MAP3K15: variants seen among roughly 807,000 people sequenced by gnomAD.
The protein encoded by MAP3K15 is mitogen-activated protein kinase kinase kinase 15, also known as MAPK/ERK kinase kinase 15.
A neutral mutation model predicts 99.5 loss-of-function variants in MAP3K15; 124 were observed. The ratio of observed to expected loss-of-function variants is 1.25; its 90% CI spans 1.08 to 1.45. MAP3K15 has a LOEUF of 1.45. Among genes scored for constraint, MAP3K15 ranks in the 40% most tolerant of loss-of-function variants. The pLI is 0.00. For missense variants in MAP3K15, 1,242 were observed against 1,079.7 expected, an observed-to-expected ratio of 1.15 and a Z score of -2.11; for synonymous variants, 494 against 439.6, an observed-to-expected ratio of 1.12 and a Z score of -1.55.
Position 19,420,881 on chromosome X carries a change from T to C in MAP3K15, c.1439+4650A>G, listed in dbSNP as rs771484713. On this transcript the variant is annotated intron_variant, in intron 9 of 28. Coordinates refer to ENST00000338883, the MANE Select transcript of MAP3K15 (RefSeq NM_001001671.4). The stretch of plus-strand genomic sequence containing the variant: ...TGGGATGCAAGGCTGGTTCAACACA[T>C]GCAAATCAATAAATGTAATCCAGCA... Among the ~76,000 whole-genome samples, 1,104 of 111,528 alleles carry C rather than the reference T, an allele frequency of 9.9e-3. 16 individuals carry two copies. The highest frequency in any genetic ancestry group is 0.035 in the African/African-American group (1,065 of 30,547).
intron 15 of MAP3K15, among the ~76,000 whole-genome samples, chrX:19,397,150 C>A (rs1358349857): frequency 9.0e-6 from 1 of 110,654 alleles, no homozygotes; most frequent in African/African-American, 3.3e-5. Flanking sequence ...GTGAGCTGCC[C>A]GCCTCAGCCT....
At chrX:19,378,742 C>A (rs942985388) in intron 19 of MAP3K15, among the ~76,000 whole-genome samples, 4 of 111,482 alleles carry the variant, frequency 3.6e-5, no homozygotes, top group African/African-American at 1.3e-4. Context: ...TTGGGTACAC[C>A]GGGGTGTCCT....
intron 7 of MAP3K15, among the ~76,000 whole-genome samples, 182 bp downstream of exon 7, chrX:19,431,256 C>T (rs989661379): frequency 1.8e-5 from 2 of 111,079 alleles, no homozygotes; most frequent in African/African-American, 6.6e-5. Flanking sequence ...AGTAGAAAAC[C>T]CTGTTTCTCA....
intron 6 of MAP3K15, among the ~76,000 whole-genome samples, chrX:19,444,214 C>T (rs1335866195): frequency 8.9e-6 from 1 of 112,150 alleles, no homozygotes; most frequent in Non-Finnish European, 1.9e-5. Flanking sequence ...AAGATCACCA[C>T]GAGACCTATT....
At chrX:19,460,386 G>T (rs746360709) in intron 4 of MAP3K15, among the ~76,000 whole-genome samples, 3 of 111,857 alleles carry the variant, frequency 2.7e-5, no homozygotes, top group Non-Finnish European at 5.6e-5. Context: ...ACTTTCAAAG[G>T]TGACTCCCAT....
chrX:19,426,262 T>C lies in MAP3K15; in HGVS notation c.1248A>G (p.Gln416=). The C allele has an allele frequency of 8.6e-7, 1 of 1,162,463 alleles. No individual in the cohort carries two copies. The highest frequency in any genetic ancestry group is 2.4e-5 in the Admixed American group (1 of 41,622). ...LAVLLIVAGQ[Q]FETSLELRKI... The stretch of plus-strand genomic sequence containing the variant: ...TCCTTAGTTCCAAGGAAGTTTCAAA[T>C]TGTTGTCCAGCAACAATCAGCAAAA... The change falls in exon 8 of 29, where the codon CAA becomes CAG. Residue 416 remains glutamine, a synonymous_variant. Transcript: ENST00000338883.
chrX:19,396,568 T>C (rs2063568968), intron 15 of MAP3K15, among the ~76,000 whole-genome samples: 1 of 112,216 alleles, frequency 8.9e-6, no homozygotes, highest in Admixed American at 9.4e-5. Context: ...AATGAAGAAA[T>C]GGAAATAGTT....
chrX:19,370,977 C>T lies in MAP3K15; in HGVS notation c.3382G>A (p.Val1128Ile), dbSNP rs764898842. The change falls in exon 24 of 29, where the codon GTC becomes ATC. Residue 1128 changes from valine (V) to isoleucine (I), a missense_variant. By Grantham distance (29) the Val-to-Ile change is conservative. Coordinates refer to ENST00000338883, the MANE Select transcript of MAP3K15 (RefSeq NM_001001671.4). ...NIIRRAVQAAVTILIPELRAH... is the reference protein window; with the variant it reads ...NIIRRAVQAAITILIPELRAH... The stretch of plus-strand genomic sequence containing the variant: ...CGCTCACCTGGGATGAGAATGGTGA[C>T]CGCGGCCTGCACCGCTCGGCGGATG... 1.1e-4 allele frequency: 128 copies of T among 1,184,236 alleles called. 2 individuals carry two copies. In the Admixed American group the frequency reaches 3.2e-3, roughly 29 times the overall value.
intron 4 of MAP3K15, among the ~76,000 whole-genome samples, chrX:19,460,704 C>T (rs1035307048): frequency 5.4e-5 from 6 of 110,745 alleles, no homozygotes; most frequent in Non-Finnish European, 9.4e-5. Context: ...AACTTACAGA[C>T]AGCCTTGCTC....
Position 19,445,589 on chromosome X carries a change from C to CAA in MAP3K15, c.995+11322_995+11323dup, listed in dbSNP as rs764600771. 9.1e-3 allele frequency among the ~76,000 whole-genome samples: 352 copies of CAA among 38,477 alleles called. 6 individuals carry two copies. Among genetic ancestry groups the CAA allele is most frequent in the African/African-American group, 0.022 (324 of 14,573 alleles). 33.4% of individuals were successfully genotyped at this position (38,477 alleles called of 115,157 possible). On this transcript the variant is annotated intron_variant, in intron 6 of 28. Coordinates refer to ENST00000338883, the MANE Select transcript of MAP3K15 (RefSeq NM_001001671.4). ...TGGGCGACAGAGTGAGACTCTGTCT[C>CAA]AAAAAAAAAAAAAAAAAAAATTAGT...
intron 18 of MAP3K15, among the ~76,000 whole-genome samples, chrX:19,380,530 T>G (rs925393646): frequency 9.0e-6 from 1 of 111,301 alleles, no homozygotes; most frequent in Non-Finnish European, 1.9e-5. Flanking sequence ...TATGGTTGCT[T>G]CTTTTTTTTT....
chrX:19,427,530 G>C (rs1308181597), intron 7 of MAP3K15, among the ~76,000 whole-genome samples: 1 of 111,218 alleles, frequency 9.0e-6, no homozygotes, highest in Non-Finnish European at 1.9e-5. Flanking sequence ...ACTATATCAG[G>C]ATAAGCAACA....
At chrX:19,368,231 C>G (rs181134913) in intron 25 of MAP3K15, among the ~76,000 whole-genome samples, 3,425 of 111,926 alleles carry the variant, frequency 0.031, 140 homozygotes, top group African/African-American at 0.11. Flanking sequence ...CAACCCCCAC[C>G]TCCCGGATTC....
At chrX:19,476,805 T>C (rs2064246207) in intron 3 of MAP3K15, among the ~76,000 whole-genome samples, 1 of 112,031 alleles carries the variant, frequency 8.9e-6, no homozygotes, top group African/African-American at 3.2e-5. Flanking sequence ...ATTTACTTTG[T>C]TTACACAACT....
chrX:19,382,244 CAAAA>C (rs1047109372), intron 18 of MAP3K15, among the ~76,000 whole-genome samples: 11 of 31,557 alleles, frequency 3.5e-4, no homozygotes, highest in African/African-American at 8.8e-4. Flanking sequence ...ACTCAGTCTC[CAAAA>C]AAAAAAAAAA....
At chrX:19,488,004 G>C (rs947859570) in intron 2 of MAP3K15, among the ~76,000 whole-genome samples, 1 of 110,765 alleles carries the variant, frequency 9.0e-6, no homozygotes, top group African/African-American at 3.3e-5. Context: ...TCTGGGGTGG[G>C]GCCTAGGCAT....
At chrX:19,417,535 A>C (rs887768671) in intron 9 of MAP3K15, among the ~76,000 whole-genome samples, 136 of 111,795 alleles carry the variant, frequency 1.2e-3, no homozygotes, top group African/African-American at 4.1e-3. Flanking sequence ...AGGTAAACAA[A>C]GCCTCCGGGA....
intron 7 of MAP3K15, among the ~76,000 whole-genome samples, chrX:19,426,818 C>CAAAAAAACAA (rs1233194486): frequency 4.3e-4 from 9 of 21,143 alleles, no homozygotes; most frequent in African/African-American, 1.9e-3. Flanking sequence ...AATCTGTCTC[C>CAAAAAAACAA]AAAAAAAAAA....
At chrX:19,497,664 T>C (rs1040789175) in intron 1 of MAP3K15, 3 of 111,335 alleles carry the variant, frequency 2.7e-5, no homozygotes, top group Non-Finnish European at 5.6e-5. Flanking sequence ...TTATTCTACA[T>C]TTCTTTTACT....
Sources: allele counts gnomAD v4.1 joint callset (sites outside exome capture counted in the v4.1 genomes callset), GRCh38; gene constraint gnomAD v4.1.1; transcripts MANE v1.5; gene names NCBI Gene and HGNC (gene_info 2026-07-23, HGNC 2026-07-21).